CD8B2: variants seen among roughly 807,000 people sequenced by gnomAD.
CD8B2 encodes the protein CD8B family member 2, also known as T-cell surface glycoprotein CD8 beta-2 chain.
In CD8B2, 11 loss-of-function variants were observed where a neutral mutation model predicts 23.7. The observed-to-expected ratio is 0.46, with a 90% CI of 0.29 to 0.77. The LOEUF (loss-of-function observed/expected upper bound fraction) is 0.77, where lower values mean the gene tolerates loss of function less well. CD8B2 is among the 30% of genes least tolerant of loss of function. The probability of loss-of-function intolerance (pLI) is 0.09; values close to 1 mark genes in which losing one functional copy is unlikely to be tolerated. For synonymous variants in CD8B2, 90 were observed against 109.3 expected (o/e 0.82, Z 1.10); for missense variants, 197 against 270.5 (o/e 0.73, Z 1.91).
At chr2:106,489,601 G>T (rs1344578459) in intron 1 of CD8B2, among the ~76,000 whole-genome samples, 1 of 152,124 alleles carries the variant, frequency 6.6e-6, no homozygotes, top group Non-Finnish European at 1.5e-5. Flanking sequence ...AAAATGAAGG[G>T]CTCACCAGGT....
At chr2:106,521,185 G>C (rs932292381) in intron 5 of CD8B2, among the ~76,000 whole-genome samples, 2 of 152,122 alleles carry the variant, frequency 1.3e-5, no homozygotes, top group Non-Finnish European at 2.9e-5. Flanking sequence ...GACCAGGTGT[G>C]ACGTTTACAT....
intron 5 of CD8B2, among the ~76,000 whole-genome samples, chr2:106,540,815 G>A (rs957126799): frequency 6.6e-6 from 1 of 152,014 alleles, no homozygotes; most frequent in African/African-American, 2.4e-5. Flanking sequence ...CACCTGCCTC[G>A]GCCTCCCAAA....
chr2:106,503,281 G>T (rs538789132), intron 4 of CD8B2, among the ~76,000 whole-genome samples: 53 of 152,178 alleles, frequency 3.5e-4, no homozygotes, highest in African/African-American at 7.2e-4. Context: ...AAAGTGGGCA[G>T]GTGGGACAGC....
chr2:106,504,340 T>C lies in CD8B2; in HGVS notation c.620+15T>C. ...TTCATGAAACAGTAAGTGTATAACC[T>C]GGGTGTGGCCTTGGGTTCCTCAGCC... On this transcript the variant is annotated intron_variant, in intron 5 of 5. Coordinates refer to ENST00000643224, the MANE Select transcript of CD8B2 (RefSeq NM_001349727.2). 10 of 1,555,856 alleles carry C rather than the reference T, an allele frequency of 6.4e-6. No homozygotes were observed. Among genetic ancestry groups the C allele is most frequent in the Non-Finnish European group, 8.7e-6 (10 of 1,149,302 alleles).
At chr2:106,520,433 T>TG (rs551970912) in intron 5 of CD8B2, among the ~76,000 whole-genome samples, 60 of 152,144 alleles carry the variant, frequency 3.9e-4, no homozygotes, top group African/African-American at 1.4e-3. Context: ...CCAGAGACAC[T>TG]GGGGGTAGGT....
intron 5 of CD8B2, among the ~76,000 whole-genome samples, chr2:106,516,260 T>C (rs1189593262): frequency 6.6e-6 from 1 of 152,150 alleles, no homozygotes; most frequent in East Asian, 1.9e-4. Context: ...ACAGTAGCTT[T>C]GCTGAGTTCA....
chr2:106,502,360 G>A (rs1175599879), intron 3 of CD8B2, 114 bp from the exon 4 acceptor site: 2 of 579,934 alleles, frequency 3.4e-6, no homozygotes, highest in Admixed American at 2.9e-5. Context: ...ACAAATGGTG[G>A]TATTCTCTGG....
chr2:106,543,038 A>G (rs1680202105), intron 5 of CD8B2: 1 of 152,166 alleles, frequency 6.6e-6, no homozygotes, highest in African/African-American at 2.4e-5. Flanking sequence ...AGGAACAAGT[A>G]TTTAGTCATG....
At chr2:106,490,809 G>C (rs1679179505) in intron 1 of CD8B2, 65 bp from the exon 2 acceptor site, 1 of 1,538,512 alleles carries the variant, frequency 6.5e-7, no homozygotes, top group East Asian at 2.3e-5. Context: ...GACTCAGTGT[G>C]ACTGCGAGGT....
chr2:106,511,851 C>A (rs1359559681), downstream of CD8B2, among the ~76,000 whole-genome samples: 1 of 152,186 alleles, frequency 6.6e-6, no homozygotes, highest in Non-Finnish European at 1.5e-5. Flanking sequence ...CCATATTCCT[C>A]AGCCCTGCGT....
rs1679597838 is a variant in CD8B2, at chr2:106,510,254, C to T, written c.*3314C>T. The T allele has an allele frequency of 6.6e-6, 1 of 152,138 alleles. No individual in the cohort carries two copies. Among genetic ancestry groups the T allele is most frequent in the Non-Finnish European group, 1.5e-5 (1 of 68,034 alleles). 9.4% of individuals were successfully genotyped at this position (152,138 alleles called of 1,614,324 possible). ...TGAGGTTTGAAGGTGAGCGTTTCTG[C>T]TTCTCAATCTGGGAATCACTTATAT... On this transcript the variant is annotated 3_prime_UTR_variant, in exon 6 of 6. Coordinates refer to ENST00000643224, the MANE Select transcript of CD8B2 (RefSeq NM_001349727.2).
At chr2:106,531,269 G>A (rs1014866553) in intron 5 of CD8B2, among the ~76,000 whole-genome samples, 2 of 152,068 alleles carry the variant, frequency 1.3e-5, no homozygotes, top group Non-Finnish European at 1.5e-5. Context: ...AGTAGATACC[G>A]TCCCCCAAAT....
chr2:106,518,197 G>C (rs576689913), intron 5 of CD8B2, among the ~76,000 whole-genome samples: 2 of 152,258 alleles, frequency 1.3e-5, no homozygotes, highest in South Asian at 4.1e-4. Context: ...AGGGTTCCTT[G>C]ACTTGGGCTT....
intron 2 of CD8B2, among the ~76,000 whole-genome samples, chr2:106,494,175 G>A (rs1332092164): frequency 2.1e-5 from 3 of 146,042 alleles, no homozygotes; most frequent in Non-Finnish European, 4.5e-5. Context: ...TTTTTGAGAC[G>A]GAGTCACTGT....
intron 5 of CD8B2, among the ~76,000 whole-genome samples, chr2:106,518,273 G>C (rs1193483406): frequency 6.6e-6 from 1 of 152,188 alleles, no homozygotes; most frequent in African/African-American, 2.4e-5. Flanking sequence ...AATTACGGCA[G>C]CTTTGATAGG....
intron 5 of CD8B2, among the ~76,000 whole-genome samples, chr2:106,542,252 G>T (rs1403807872): frequency 6.6e-6 from 1 of 152,146 alleles, no homozygotes; most frequent in East Asian, 1.9e-4. Flanking sequence ...CATTATCTGG[G>T]GTTCACGGCT....
chr2:106,535,185 C>T (rs1342457768), intron 5 of CD8B2: 1 of 152,156 alleles, frequency 6.6e-6, no homozygotes, highest in African/African-American at 2.4e-5. Context: ...TGGCTTCCTC[C>T]CTCTCTTCCT....
At chr2:106,494,032 C>A (rs992853871) in intron 2 of CD8B2, among the ~76,000 whole-genome samples, 2 of 152,186 alleles carry the variant, frequency 1.3e-5, no homozygotes, top group African/African-American at 4.8e-5. Flanking sequence ...GTTCTCTCCG[C>A]TTTCCAGAGG....
chr2:106,488,250 A>T, intron 1 of CD8B2, among the ~76,000 whole-genome samples: 1 of 151,242 alleles, frequency 6.6e-6, no homozygotes. Flanking sequence ...TCATAAATAG[A>T]AAGAGCCCAG....
Sources: allele counts gnomAD v4.1 joint callset (sites outside exome capture counted in the v4.1 genomes callset), GRCh38; gene constraint gnomAD v4.1.1; transcripts MANE v1.5; gene names NCBI Gene and HGNC (gene_info 2026-07-23, HGNC 2026-07-21).